LAMA1: variants seen among roughly 807,000 people sequenced by gnomAD.
The protein encoded by LAMA1 is laminin subunit alpha-1.
A neutral mutation model predicts 348.7 loss-of-function variants in LAMA1; 219 were observed. That is an observed-to-expected ratio of 0.63 (90% CI 0.56 to 0.70). The LOEUF (loss-of-function observed/expected upper bound fraction) is 0.70, where lower values mean the gene tolerates loss of function less well. LAMA1 is among the 30% of genes least tolerant of loss of function. The pLI is 0.00. For synonymous variants in LAMA1, 1,487 were observed against 1,491.0 expected (o/e 1.00, Z 0.06); for missense variants, 3,744 against 3,888.0 (o/e 0.96, Z 0.99).
intron 21 of LAMA1, 47 bp from the exon 22 acceptor site, chr18:7,015,905 A>T (rs1194513673): frequency 6.2e-7 from 1 of 1,611,026 alleles, no homozygotes; most frequent in East Asian, 2.2e-5. Flanking sequence ...TGATGTCATT[A>T]AAGGGCTAAG....
At chr18:7,009,693 C>T (rs914836434) in intron 26 of LAMA1, among the ~76,000 whole-genome samples, 4 of 152,246 alleles carry the variant, frequency 2.6e-5, no homozygotes, top group East Asian at 1.9e-4. Context: ...GAAAATAGTA[C>T]GCCAAGATAA....
intron 3 of LAMA1, among the ~76,000 whole-genome samples, chr18:7,074,518 T>C (rs2058159152): frequency 6.6e-6 from 1 of 152,218 alleles, no homozygotes. Context: ...TAATTTCTCT[T>C]AAATTTTAAG....
intron 18 of LAMA1, 148 bp downstream of exon 18, chr18:7,024,232 A>T: frequency 1.5e-6 from 1 of 653,866 alleles, no homozygotes. Flanking sequence ...ATTTTAAAAC[A>T]TGAAATACTG....
At chr18:6,957,960 T>C (rs1910536731) in intron 55 of LAMA1, among the ~76,000 whole-genome samples, 1 of 152,140 alleles carries the variant, frequency 6.6e-6, no homozygotes, top group African/African-American at 2.4e-5. Flanking sequence ...TTTTGTATTT[T>C]TAGTAGAGAC....
At chr18:7,115,129 G>A (rs2058350529) in intron 1 of LAMA1, among the ~76,000 whole-genome samples, 1 of 152,144 alleles carries the variant, frequency 6.6e-6, no homozygotes, top group Admixed American at 6.6e-5. Flanking sequence ...GGCCCTTAGA[G>A]AATACAGTGA....
chr18:6,982,848 T>C (rs2057718127), intron 40 of LAMA1, among the ~76,000 whole-genome samples: 2 of 152,178 alleles, frequency 1.3e-5, no homozygotes, highest in Non-Finnish European at 1.5e-5. Context: ...AGGTATCAAG[T>C]AGCATCATCA....
chr18:6,948,586 G>A (rs1316392886), intron 59 of LAMA1, 30 bp from the exon 60 acceptor site: 3 of 1,614,004 alleles, frequency 1.9e-6, no homozygotes, highest in South Asian at 1.1e-5. Flanking sequence ...AGAGTAGACA[G>A]TGGTGATTCT....
intron 1 of LAMA1, among the ~76,000 whole-genome samples, chr18:7,110,929 C>A (rs1483846188): frequency 7.0e-6 from 1 of 142,046 alleles, no homozygotes; most frequent in Non-Finnish European, 1.5e-5. Context: ...AACTAAAAAT[C>A]ATCTGCTAAA....
intron 5 of LAMA1, among the ~76,000 whole-genome samples, chr18:7,046,585 G>A (rs2058042670): frequency 6.6e-6 from 1 of 152,084 alleles, no homozygotes; most frequent in Non-Finnish European, 1.5e-5. Context: ...ACCCAAAGAA[G>A]TCTAAAAGAA....
In LAMA1 at chr18:7,017,342, T is replaced by C. The variant is rs1230853358; in HGVS notation, c.2744A>G (p.His915Arg). Residue 915 changes from histidine (H) to arginine (R), a missense_variant, in exon 20 of 63, where the codon CAT becomes CGT. His to Arg is a conservative substitution (Grantham distance 29, BLOSUM62 0). Transcript: ENST00000389658. Reference sequence around the variant, plus strand: ...GCAGTCACAGAGCCCGGTCTCAAGATGGCACACGGCAGAATGGGAGCCTTT... The same window carrying C: ...GCAGTCACAGAGCCCGGTCTCAAGACGGCACACGGCAGAATGGGAGCCTTT... ...HVKGSHSAVC[H>R]LETGLCDCKP... The C allele has an allele frequency of 2.5e-6, 4 of 1,614,054 alleles. No homozygotes were observed. The highest frequency in any genetic ancestry group is 1.7e-5 in the Admixed American group (1 of 60,014).
chr18:6,956,512 CA>C, intron 56 of LAMA1, 123 bp downstream of exon 56: 1 of 851,204 alleles, frequency 1.2e-6, no homozygotes, highest in South Asian at 1.5e-5. Context: ...AGCACAGCTC[CA>C]GCTCCAGCTC....
intron 3 of LAMA1, among the ~76,000 whole-genome samples, chr18:7,064,968 G>A (rs1290113557): frequency 6.6e-6 from 1 of 152,118 alleles, no homozygotes; most frequent in Non-Finnish European, 1.5e-5. Flanking sequence ...GGGCGCAGTG[G>A]CTCACGCCTG....
At chr18:6,950,722 C>A in intron 58 of LAMA1, 60 bp downstream of exon 58, 2 of 1,579,812 alleles carry the variant, frequency 1.3e-6, no homozygotes, top group South Asian at 2.2e-5. Context: ...ATGGAGTGAA[C>A]CCGAGTGATA....
At chr18:6,980,866 A>G (rs1436732851) in intron 41 of LAMA1, among the ~76,000 whole-genome samples, 1 of 152,158 alleles carries the variant, frequency 6.6e-6, no homozygotes, top group African/African-American at 2.4e-5. Context: ...AGGCCGAGGC[A>G]GGCAGATCAC....
intron 47 of LAMA1, 31 bp from the exon 48 acceptor site, chr18:6,972,012 A>G: frequency 6.2e-7 from 1 of 1,612,124 alleles, no homozygotes; most frequent in Non-Finnish European, 8.5e-7. Context: ...AACATAACCA[A>G]TATATAAGCT....
chr18:7,040,583 G>A (rs1472618924), intron 9 of LAMA1, among the ~76,000 whole-genome samples: 1 of 152,174 alleles, frequency 6.6e-6, no homozygotes, highest in Non-Finnish European at 1.5e-5. Context: ...AGTGACTTTG[G>A]AAAACCTTTT....
chr18:7,008,702 C>A, intron 27 of LAMA1, 94 bp from the exon 28 acceptor site: 3 of 1,444,704 alleles, frequency 2.1e-6, no homozygotes, highest in Non-Finnish European at 2.9e-6. Context: ...ATATATGAAA[C>A]CAGAGCTTTC....
intron 28 of LAMA1, among the ~76,000 whole-genome samples, chr18:7,007,883 C>T (rs1207188891): frequency 6.6e-6 from 1 of 151,666 alleles, no homozygotes; most frequent in East Asian, 1.9e-4. Context: ...ACAAGCCATT[C>T]GCAAAAAGAC....
intron 23 of LAMA1, among the ~76,000 whole-genome samples, chr18:7,012,895 C>T (rs1032631804): frequency 6.0e-5 from 9 of 151,044 alleles, no homozygotes; most frequent in Admixed American, 1.3e-4. Context: ...CACGGTGGTT[C>T]ACACCTGTAA....
Sources: allele counts gnomAD v4.1 joint callset (sites outside exome capture counted in the v4.1 genomes callset), GRCh38; gene constraint gnomAD v4.1.1; transcripts MANE v1.5; gene names NCBI Gene and HGNC (gene_info 2026-07-23, HGNC 2026-07-21).